The following PHF21B variants were observed in gnomAD, a reference collection of about 807,000 sequenced individuals.
PHF21B encodes PHD finger protein 21B, also known as PHD finger protein 4.
A neutral mutation model predicts 62.2 loss-of-function variants in PHF21B; 22 were observed. The ratio of observed to expected loss-of-function variants is 0.35; its 90% CI spans 0.25 to 0.51. The LOEUF (loss-of-function observed/expected upper bound fraction) is 0.51, where lower values mean the gene tolerates loss of function less well. PHF21B is among the 20% of genes least tolerant of loss of function. PHF21B has a pLI of 0.97. For synonymous variants in PHF21B, 341 were observed against 314.7 expected (o/e 1.08, Z -0.88); for missense variants, 701 against 707.9 (o/e 0.99, Z 0.11).
intron 2 of PHF21B, among the ~76,000 whole-genome samples, chr22:44,937,129 C>G (rs185934353): frequency 7.8e-4 from 119 of 152,230 alleles, no homozygotes; most frequent in African/African-American, 2.7e-3. Context: ...GCCTCCCAAA[C>G]TGCTGGGATT....
At chr22:44,985,840 C>T (rs542918278) in intron 2 of PHF21B, among the ~76,000 whole-genome samples, 3 of 152,036 alleles carry the variant, frequency 2.0e-5, no homozygotes, top group Admixed American at 1.3e-4. Flanking sequence ...GGCACCACCG[C>T]CACTACCATC....
intron 2 of PHF21B, among the ~76,000 whole-genome samples, chr22:44,940,162 C>T (rs1053241315): frequency 2.0e-5 from 3 of 152,268 alleles, no homozygotes; most frequent in African/African-American, 7.2e-5. Flanking sequence ...GCAGGTGCCA[C>T]GGGCTTAGAT....
chr22:44,928,988 C>T (rs2071688290), intron 2 of PHF21B, among the ~76,000 whole-genome samples: 1 of 151,252 alleles, frequency 6.6e-6, no homozygotes, highest in Non-Finnish European at 1.5e-5. Context: ...AGCCCCAGGC[C>T]TCCCAGAAGC....
At chr22:45,008,260 T>C in intron 2 of PHF21B, 1 of 292,454 alleles carries the variant, frequency 3.4e-6, no homozygotes, top group Non-Finnish European at 6.3e-6. Flanking sequence ...ATCGCCACGT[T>C]CCAAAAACAT....
intron 2 of PHF21B, among the ~76,000 whole-genome samples, chr22:44,990,694 GT>G (rs1478648558): frequency 1.3e-5 from 2 of 152,230 alleles, no homozygotes; most frequent in East Asian, 3.8e-4. Context: ...AGGAGTAATT[GT>G]TTCATGGGTA....
At chr22:44,993,279 C>G (rs1182542279) in intron 2 of PHF21B, among the ~76,000 whole-genome samples, 1 of 152,192 alleles carries the variant, frequency 6.6e-6, no homozygotes, top group African/African-American at 2.4e-5. Flanking sequence ...ACTCCAGCTT[C>G]AGATATAAGC....
Position 44,958,205 on chromosome 22 carries a change from A to G in PHF21B, c.121-37715T>C, listed in dbSNP as rs531609119. ...GGTGTGAGCCACCACGACAGCCCCC[A>G]TCCCTGGGCATTTTGAGTGCACGAC... On this transcript the variant is annotated intron_variant, in intron 2 of 12. Coordinates refer to ENST00000313237, the MANE Select transcript of PHF21B (RefSeq NM_138415.5). Among the ~76,000 whole-genome samples the G allele has an allele frequency of 1.1e-3, 167 of 152,116 alleles. 1 individual carries two copies. The highest frequency in any genetic ancestry group is 2.0e-3 in the Non-Finnish European group (133 of 67,972).
At chr22:45,004,637 GA>G (rs1030943384) in intron 2 of PHF21B, among the ~76,000 whole-genome samples, 1 of 152,168 alleles carries the variant, frequency 6.6e-6, no homozygotes, top group African/African-American at 2.4e-5. Flanking sequence ...GGAGAGTTCG[GA>G]AAACAGAAAG....
rs1028102229 is a variant in PHF21B at position 44,892,271 on chromosome 22, G to A, written c.961-911C>T. Among the ~76,000 whole-genome samples, 9 of 152,370 alleles carry A rather than the reference G, an allele frequency of 5.9e-5. No homozygotes were observed. The South Asian group carries it at 1.7e-3, about 28-fold the overall frequency. Reference sequence around the variant, plus strand: ...GCTTGCTCAGATGAAGGAAGAGGAAGTGAATGGTATGAAACGGCCCACGTG... The same window carrying A: ...GCTTGCTCAGATGAAGGAAGAGGAAATGAATGGTATGAAACGGCCCACGTG... On this transcript the variant is annotated intron_variant, in intron 7 of 12. Transcript: ENST00000313237.
rs545770617 is a variant in PHF21B at position 44,896,241 on chromosome 22, G to A, written c.832-158C>T. On this transcript the variant is annotated intron_variant, in intron 5 of 12. Transcript: ENST00000313237. Reference sequence around the variant, plus strand: ...GATGCCAAGTCAGTTTCTAAGAAACGTGGGGAAATAGGATTTCCAAAGAGA... The same window carrying A: ...GATGCCAAGTCAGTTTCTAAGAAACATGGGGAAATAGGATTTCCAAAGAGA... 3.9e-5 allele frequency among the ~76,000 whole-genome samples: 6 copies of A among 152,236 alleles called. No homozygotes were observed. The South Asian group carries it at 1.0e-3, about 26-fold the overall frequency.
At chr22:44,974,243 T>C (rs1158048588) in intron 2 of PHF21B, among the ~76,000 whole-genome samples, 1 of 151,834 alleles carries the variant, frequency 6.6e-6, no homozygotes, top group Admixed American at 6.6e-5. Flanking sequence ...GGCGAAACCC[T>C]GTCTCTACTA....
In PHF21B at chr22:44,916,459, G is replaced by A; in HGVS notation, c.385C>T (p.Gln129Ter). ...TVSHVPAPGS[Q>*]PQALAEPAAL... ...GCGGGCTCGGCGAGGGCCTGGGGCT[G>A]GCTGCCGGGCGCTGGCACATGGCTG... The change falls in exon 4 of 13, where the codon CAG becomes TAG. Residue 129 changes from glutamine (Q) to a stop codon, truncating the protein, a stop_gained. Transcript: ENST00000313237. LOFTEE classifies it high-confidence loss of function. The A allele has an allele frequency of 6.2e-7, 1 of 1,603,518 alleles. No individual in the cohort carries two copies. Among genetic ancestry groups the A allele is most frequent in the Non-Finnish European group, 8.5e-7 (1 of 1,178,176 alleles).
chr22:44,921,338 C>T (rs1020544291), intron 2 of PHF21B, among the ~76,000 whole-genome samples: 6 of 151,610 alleles, frequency 4.0e-5, no homozygotes, highest in African/African-American at 7.3e-5. Context: ...ACCCACAGCC[C>T]CCGATGGAAC....
At chr22:44,905,034 T>C (rs1213335324) in intron 5 of PHF21B, among the ~76,000 whole-genome samples, 1 of 152,222 alleles carries the variant, frequency 6.6e-6, no homozygotes, top group Non-Finnish European at 1.5e-5. Context: ...CTCCTAGATT[T>C]GCTTTTATTA....
chr22:44,926,196 C>T (rs538919853), intron 2 of PHF21B, among the ~76,000 whole-genome samples: 30 of 141,152 alleles, frequency 2.1e-4, no homozygotes, highest in African/African-American at 7.4e-4. Context: ...CAGGGAAGCA[C>T]ATTCAGTGGC....
chr22:44,926,074 G>A (rs1484745372), intron 2 of PHF21B, among the ~76,000 whole-genome samples: 2 of 151,572 alleles, frequency 1.3e-5, no homozygotes, highest in Non-Finnish European at 1.5e-5. Context: ...GATTTCCGGG[G>A]AAGTGGGTTC....
chr22:44,884,961 C>T (rs1243748103), intron 12 of PHF21B, among the ~76,000 whole-genome samples: 1 of 152,256 alleles, frequency 6.6e-6, no homozygotes, highest in Non-Finnish European at 1.5e-5. Context: ...GGAGGAATTA[C>T]GTTCACTTTA....
chr22:44,938,903 T>C (rs2071901198), intron 2 of PHF21B, among the ~76,000 whole-genome samples: 2 of 152,198 alleles, frequency 1.3e-5, no homozygotes, highest in Non-Finnish European at 2.9e-5. Flanking sequence ...GACTCGTGTC[T>C]CGCTTCTCTG....
At chr22:44,924,533 G>A (rs2071596173) in intron 2 of PHF21B, among the ~76,000 whole-genome samples, 1 of 152,196 alleles carries the variant, frequency 6.6e-6, no homozygotes, top group Non-Finnish European at 1.5e-5. Flanking sequence ...CTTATAAGAA[G>A]AGACACGAGG....
Sources: gnomAD v4.1 joint callset for allele counts (sites outside exome capture counted in the v4.1 genomes callset) on GRCh38, gnomAD v4.1.1 for gene constraint, MANE v1.5 for transcripts, NCBI Gene and HGNC (gene_info 2026-07-23, HGNC 2026-07-21) for gene names.